Variants in TYROBP observed in about 807,000 individuals in gnomAD.
TYROBP encodes TYRO protein tyrosine kinase-binding protein.
A neutral mutation model predicts 17.1 loss-of-function variants in TYROBP; 14 were observed. The ratio of observed to expected loss-of-function variants is 0.82; its 90% CI spans 0.54 to 1.28. TYROBP has a LOEUF of 1.28. TYROBP is among the 50% of genes most tolerant of loss of function. The probability of loss-of-function intolerance (pLI) is 0.00; values close to 1 mark genes in which losing one functional copy is unlikely to be tolerated. For synonymous variants in TYROBP, 73 were observed against 67.4 expected, an observed-to-expected ratio of 1.08 and a Z score of -0.41; for missense variants, 161 against 151.4, an observed-to-expected ratio of 1.06 and a Z score of -0.33.
chr19:35,907,811 T>A (rs1599641621), intron 1 of TYROBP, 49 bp from the exon 2 acceptor site: 2 of 1,573,266 alleles, frequency 1.3e-6, no homozygotes, highest in South Asian at 2.2e-5. Context: ...ATGACGGGGG[T>A]GGGGGAGGCA....
At position 35,907,651 on chromosome 19, in the gene TYROBP, G is replaced by A. The variant is rs1975763662; in HGVS notation, c.95-71C>T. On this transcript the variant is annotated intron_variant, in intron 2 of 4. Coordinates refer to ENST00000262629, the MANE Select transcript of TYROBP (RefSeq NM_003332.4). ...GGGGAGGGGGGTCAGCGGCAGGGAG[G>A]TTTGGAAAGGGTGTGGGAGAGACGG... The A allele has an allele frequency of 1.1e-5, 18 of 1,612,938 alleles. No homozygotes were observed. In the South Asian group the frequency reaches 2.0e-4, roughly 18 times the overall value.
intron 4 of TYROBP, among the ~76,000 whole-genome samples, chr19:35,905,919 C>CT (rs1276377759): frequency 6.7e-6 from 1 of 149,510 alleles, no homozygotes; most frequent in Non-Finnish European, 1.5e-5. Flanking sequence ...CACCATTGCA[C>CT]TCCAGCCTGG....
intron 4 of TYROBP, among the ~76,000 whole-genome samples, chr19:35,906,465 T>C (rs966050864): frequency 6.6e-6 from 1 of 152,118 alleles, no homozygotes; most frequent in Admixed American, 6.6e-5. Flanking sequence ...ATTTTTTGTG[T>C]AGATTTTTCT....
chr19:35,907,891 G>A (rs1049065596), intron 1 of TYROBP, 129 bp from the exon 2 acceptor site: 83 of 986,110 alleles, frequency 8.4e-5, no homozygotes, highest in Non-Finnish European at 1.0e-4. Flanking sequence ...TGTCTGGCGG[G>A]ACTCAGGGGG....
intron 2 of TYROBP, 39 bp downstream of exon 2, chr19:35,907,690 TC>T (rs1975765228): frequency 6.2e-7 from 1 of 1,613,748 alleles, no homozygotes; most frequent in African/African-American, 1.3e-5. Context: ...CAGGGAGGTC[TC>T]TGGGAGGTAG....
chr19:35,908,288 A>G lies in TYROBP; in HGVS notation c.-60T>C, dbSNP rs1302910069. On this transcript the variant is annotated 5_prime_UTR_variant, in exon 1 of 5. Coordinates refer to ENST00000262629, the MANE Select transcript of TYROBP (RefSeq NM_003332.4). ...GCCGGTGGGATGTGGCGCAGCGTCCAGGCAAGTGAAGGAGGAAGTCTGAGG... is the reference window on the plus strand; with the variant it reads ...GCCGGTGGGATGTGGCGCAGCGTCCGGGCAAGTGAAGGAGGAAGTCTGAGG... The G allele has an allele frequency of 6.9e-7, 1 of 1,453,426 alleles. No individual in the cohort carries two copies. The highest frequency in any genetic ancestry group is 1.4e-5 in the African/African-American group (1 of 71,686). The allele number at this position is 1,453,426 out of a possible 1,614,324, so 90.0% of individuals were successfully genotyped here.
In TYROBP at chr19:35,907,529, C is replaced by T; in HGVS notation, c.146G>A (p.Gly49Glu). Residue 49 changes from glycine to glutamate, a missense_variant, in exon 3 of 5, where the codon GGA (glycine) becomes GAA (glutamate). By Grantham distance (98) the Gly-to-Glu change is moderately conservative (BLOSUM62 -2). Transcript: ENST00000262629. ...AATGAGCACTGTCAGCACCAGGTCT[C>T]CCATCACGATCCCTGCCAGCACGCC... ...SPGVLAGIVM[G>E]DLVLTVLIAL... The T allele has an allele frequency of 6.2e-7, 1 of 1,614,052 alleles. No homozygotes were observed. The highest frequency in any genetic ancestry group is 8.5e-7 in the Non-Finnish European group (1 of 1,180,040).
chr19:35,905,097 G>A (rs927786249), intron 4 of TYROBP, among the ~76,000 whole-genome samples: 2 of 152,144 alleles, frequency 1.3e-5, no homozygotes, highest in Non-Finnish European at 2.9e-5. Context: ...GCACTTATAG[G>A]TGCTAGACAC....
rs1167056212 is a variant in TYROBP at position 35,908,201 on chromosome 19, G to T, written c.28C>A (p.Leu10Ile). The T allele has an allele frequency of 1.2e-6, 2 of 1,613,972 alleles. No homozygotes were observed. Among genetic ancestry groups the T allele is most frequent in the Admixed American group, 1.7e-5 (1 of 60,008 alleles). ...GCCAGCAGGAGAGGCAGGAGCAGGA[G>T]CCTGCTGCAGGGTTCAAGTCCCCCC... MGGLEPCSR[L>I]LLLPLLLAVS... Residue 10 changes from leucine to isoleucine, a missense_variant, in exon 1 of 5, where the codon CTC becomes ATC. Leu to Ile is a conservative substitution (Grantham distance 5, BLOSUM62 2). Transcript: ENST00000262629.
chr19:35,906,779 G>A (rs1375688616), intron 4 of TYROBP, among the ~76,000 whole-genome samples: 3 of 150,808 alleles, frequency 2.0e-5, no homozygotes, highest in Non-Finnish European at 4.4e-5. Flanking sequence ...CCAGGCTGGA[G>A]TGCAATTGCG....
Position 35,908,271 on chromosome 19 carries a change from G to C in TYROBP, c.-43C>G, listed in dbSNP as rs1975780974. 1 of 1,575,482 alleles carries C rather than the reference G, an allele frequency of 6.3e-7. No homozygotes were observed. Among genetic ancestry groups the C allele is most frequent in the Non-Finnish European group, 8.7e-7 (1 of 1,145,132 alleles). On this transcript the variant is annotated 5_prime_UTR_variant, in exon 1 of 5. The change creates a new upstream start codon in the 5' untranslated region. Coordinates refer to ENST00000262629, the MANE Select transcript of TYROBP (RefSeq NM_003332.4). ...GACACCACAGTGTAAGGGCCGGTGG[G>C]ATGTGGCGCAGCGTCCAGGCAAGTG...
At chr19:35,907,832 C>G (rs1049371263) in intron 1 of TYROBP, 70 bp from the exon 2 acceptor site, 1 of 1,547,246 alleles carries the variant, frequency 6.5e-7, no homozygotes, top group Non-Finnish European at 8.9e-7. Flanking sequence ...AGTTTAGAAG[C>G]CAGGGAAGGT....
Position 35,907,997 on chromosome 19 carries a change from C to T in TYROBP, c.61+171G>A, listed in dbSNP as rs3817624. 0.083 allele frequency among the ~76,000 whole-genome samples: 12,583 copies of T among 152,084 alleles called. 595 individuals are homozygous for T. The highest frequency in any genetic ancestry group is 0.13 in the Admixed American group (1,972 of 15,260). ...TCTCTTCTCCCCTGCTTGTAGCGGA[C>T]GACAAAACTTGGGGGCTTGGGCTCT... On this transcript the variant is annotated intron_variant, in intron 1 of 4. Coordinates refer to ENST00000262629, the MANE Select transcript of TYROBP (RefSeq NM_003332.4).
Position 35,907,754 on chromosome 19 carries a change from G to A in TYROBP, c.70C>T (p.Pro24Ser). 1 of 1,614,074 alleles carries A rather than the reference G, an allele frequency of 6.2e-7. No individual in the cohort carries two copies. Among genetic ancestry groups the A allele is most frequent in the Non-Finnish European group, 8.5e-7 (1 of 1,180,008 alleles). Residue 24 changes from proline (P) to serine (S), a missense_variant, in exon 2 of 5, where the codon CCT becomes TCT. By Grantham distance (74) the Pro-to-Ser change is moderately conservative (BLOSUM62 -1). Coordinates refer to ENST00000262629, the MANE Select transcript of TYROBP (RefSeq NM_003332.4). Reference protein sequence around the residue: ...PLLLAVSGLRPVQAQAQSDCS... With the variant: ...PLLLAVSGLRSVQAQAQSDCS... ...CCGCTCTGGGCCTGGGCCTGGACAG[G>A]ACGGAGACCTGAGGAGGAAAAAGAA...
At chr19:35,907,105 G>T in intron 4 of TYROBP, 113 bp downstream of exon 4, 1 of 1,045,190 alleles carries the variant, frequency 9.6e-7, no homozygotes. Context: ...TTCAAGGTTT[G>T]GGGGTGCTTT....
chr19:35,907,690 T>A, intron 2 of TYROBP, 40 bp downstream of exon 2: 1 of 1,613,866 alleles, frequency 6.2e-7, no homozygotes, highest in East Asian at 2.2e-5. Context: ...CAGGGAGGTC[T>A]CTGGGAGGTA....
intron 4 of TYROBP, 76 bp from the exon 5 acceptor site, chr19:35,904,710 C>G: frequency 7.4e-7 from 1 of 1,342,350 alleles, no homozygotes; most frequent in Admixed American, 1.9e-5. Flanking sequence ...CTGCAAGGCC[C>G]CTGGCAGCTT....
chr19:35,907,007 G>A (rs567874253), intron 4 of TYROBP, among the ~76,000 whole-genome samples: 4 of 152,210 alleles, frequency 2.6e-5, no homozygotes, highest in African/African-American at 4.8e-5. Context: ...TTGAGTCACC[G>A]TGCCCAGCCC....
Position 35,907,391 on chromosome 19 carries a change from C to A in TYROBP, c.229+55G>T, listed in dbSNP as rs201813149. ...GTTTGAGATCTGGGAGTTTACCCAG[C>A]CCCCCACCCCCATCTAGGCAAGTCC... On this transcript the variant is annotated intron_variant, in intron 3 of 4. Coordinates refer to ENST00000262629, the MANE Select transcript of TYROBP (RefSeq NM_003332.4). The A allele has an allele frequency of 1.6e-4, 249 of 1,526,066 alleles. No individual in the cohort carries two copies. The Middle Eastern group carries it at 2.9e-3, about 18-fold the overall frequency. 94.5% of individuals were successfully genotyped at this position (1,526,066 alleles called of 1,614,324 possible). A position where few individuals can be genotyped will look rare whatever the true frequency, so the allele number is the denominator to read the frequency against.
Sources: gnomAD v4.1 joint callset for allele counts (sites outside exome capture counted in the v4.1 genomes callset) on GRCh38, gnomAD v4.1.1 for gene constraint, MANE v1.5 for transcripts, NCBI Gene and HGNC (gene_info 2026-07-23, HGNC 2026-07-21) for gene names.